Variants in NRXN1 observed in about 807,000 individuals in gnomAD.
The protein encoded by NRXN1 is neurexin 1.
NRXN1 carries 39 observed loss-of-function variants against 150.9 expected under a neutral mutation model. The ratio of observed to expected loss-of-function variants is 0.26; its 90% CI spans 0.20 to 0.34. The LOEUF (loss-of-function observed/expected upper bound fraction) is 0.34. NRXN1 is among the 10% of genes least tolerant of loss of function. The probability of loss-of-function intolerance (pLI) is 1.00; values close to 1 mark genes in which losing one functional copy is unlikely to be tolerated. For synonymous variants in NRXN1, 924 were observed against 757.0 expected, an observed-to-expected ratio of 1.22 and a Z score of -3.62; for missense variants, 1,815 against 1,949.9, an observed-to-expected ratio of 0.93 and a Z score of 1.30.
intron 5 of NRXN1, among the ~76,000 whole-genome samples, chr2:50,900,205 C>T (rs1168898565): frequency 1.3e-5 from 2 of 152,148 alleles, no homozygotes; most frequent in Non-Finnish European, 1.5e-5. Flanking sequence ...AGGGATCAGC[C>T]TAAAGGCCTA....
At chr2:50,506,862 T>C in intron 12 of NRXN1, 1 of 468,466 alleles carries the variant, frequency 2.1e-6, no homozygotes, top group East Asian at 3.3e-5. Flanking sequence ...CATTCAGGTG[T>C]GACCATTTAA....
At chr2:50,573,666 A>G (rs1012123255) in intron 8 of NRXN1, among the ~76,000 whole-genome samples, 1 of 151,890 alleles carries the variant, frequency 6.6e-6, no homozygotes, top group African/African-American at 2.4e-5. Flanking sequence ...AAACCTGAGT[A>G]GTTTCAAAAT....
chr2:50,854,557 G>T (rs1674989665), intron 5 of NRXN1, among the ~76,000 whole-genome samples: 1 of 152,050 alleles, frequency 6.6e-6, no homozygotes, highest in Non-Finnish European at 1.5e-5. Context: ...TGAAAGAACA[G>T]ACTGGTTATT....
intron 15 of NRXN1, among the ~76,000 whole-genome samples, chr2:50,479,281 T>C (rs761396592): frequency 7.9e-5 from 12 of 152,180 alleles, no homozygotes; most frequent in Non-Finnish European, 1.6e-4. Flanking sequence ...TCCTTGCTTG[T>C]GGTATACAAT....
intron 22 of NRXN1, among the ~76,000 whole-genome samples, chr2:49,922,904 A>G (rs1668471946): frequency 6.6e-6 from 1 of 152,206 alleles, no homozygotes; most frequent in Non-Finnish European, 1.5e-5. Context: ...GGAGCTCCCA[A>G]GATGAACTTT....
chr2:50,512,062 A>C (rs1361752818), intron 12 of NRXN1, among the ~76,000 whole-genome samples: 1 of 152,104 alleles, frequency 6.6e-6, no homozygotes, highest in African/African-American at 2.4e-5. Flanking sequence ...TAAAATGATA[A>C]TCCCATATAA....
At chr2:50,566,521 T>A (rs1669889940) in intron 8 of NRXN1, among the ~76,000 whole-genome samples, 1 of 151,450 alleles carries the variant, frequency 6.6e-6, no homozygotes, top group Non-Finnish European at 1.5e-5. Context: ...TCCCAAAGTG[T>A]TGGGATTACA....
At chr2:50,455,940 G>A (rs1269700038) in intron 17 of NRXN1, among the ~76,000 whole-genome samples, 2 of 152,134 alleles carry the variant, frequency 1.3e-5, no homozygotes, top group Non-Finnish European at 2.9e-5. Flanking sequence ...CTGAACTGCT[G>A]GAATCCAGAT....
intron 17 of NRXN1, among the ~76,000 whole-genome samples, chr2:50,370,314 T>C (rs577794187): frequency 3.0e-4 from 46 of 152,126 alleles, no homozygotes; most frequent in Non-Finnish European, 6.0e-4. Flanking sequence ...TGGTTTAATA[T>C]TGTACATCAC....
At chr2:50,733,556 C>A (rs1258142553) in intron 5 of NRXN1, among the ~76,000 whole-genome samples, 2 of 152,074 alleles carry the variant, frequency 1.3e-5, no homozygotes, top group African/African-American at 4.8e-5. Context: ...TCTTTAGATA[C>A]ATAATACACT....
chr2:50,046,288 T>C (rs769303154), intron 21 of NRXN1, among the ~76,000 whole-genome samples: 5 of 152,206 alleles, frequency 3.3e-5, no homozygotes, highest in Non-Finnish European at 7.3e-5. Flanking sequence ...TGCCCTCCAC[T>C]GCCGCTTGCT....
intron 5 of NRXN1, among the ~76,000 whole-genome samples, chr2:50,826,305 G>C (rs1015596453): frequency 2.0e-5 from 3 of 152,106 alleles, no homozygotes; most frequent in African/African-American, 7.2e-5. Flanking sequence ...GTAAAAACAA[G>C]TATGAAAGCC....
In NRXN1 at chr2:50,019,972, A is replaced by AAG. The variant is rs1208030506; in HGVS notation, c.4128+33297_4128+33298dup. ...CAAAAAAAAAAAAAAAAAAAAAAAAAAGAGAGAGAGAGAGACCTAGGGAGC... is the reference window on the plus strand; with the variant it reads ...CAAAAAAAAAAAAAAAAAAAAAAAAAAGAGAGAGAGAGAGAGACCTAGGGAGC... On this transcript the variant is annotated intron_variant, in intron 21 of 22. Transcript: ENST00000401669. Among the ~76,000 whole-genome samples the AAG allele has an allele frequency of 8.1e-5, 9 of 111,700 alleles. 1 individual carries two copies. The highest frequency in any genetic ancestry group is 2.6e-4 in the African/African-American group (7 of 27,288). 73.3% of individuals were successfully genotyped at this position (111,700 alleles called of 152,430 possible). A position where few individuals can be genotyped will look rare whatever the true frequency, so the allele number is the denominator to read the frequency against.
chr2:50,621,292 C>T (rs1299796919), intron 6 of NRXN1, 43 bp from the exon 7 acceptor site: 2 of 1,452,730 alleles, frequency 1.4e-6, no homozygotes, highest in African/African-American at 1.4e-5. Flanking sequence ...AAACTGTGAA[C>T]AGAATAACGA....
intron 15 of NRXN1, among the ~76,000 whole-genome samples, chr2:50,473,007 T>G (rs1475487993): frequency 6.6e-6 from 1 of 152,014 alleles, no homozygotes; most frequent in East Asian, 1.9e-4. Flanking sequence ...AAATTCACCT[T>G]CTGCTTAGAG....
intron 21 of NRXN1, among the ~76,000 whole-genome samples, chr2:50,032,962 G>A (rs553065044): frequency 3.4e-5 from 5 of 148,794 alleles, no homozygotes; most frequent in Non-Finnish European, 7.4e-5. Flanking sequence ...ACACACACAC[G>A]CCCCCATATT....
chr2:49,994,841 A>T (rs6545140), intron 21 of NRXN1, among the ~76,000 whole-genome samples: 71,748 of 152,120 alleles, frequency 0.47, 17,592 homozygotes, highest in Middle Eastern at 0.63. Context: ...GTTAATAAAC[A>T]GGTTGGTAGT....
chr2:50,997,287 AG>A (rs1350306783), intron 2 of NRXN1, among the ~76,000 whole-genome samples: 1 of 152,068 alleles, frequency 6.6e-6, no homozygotes, highest in Non-Finnish European at 1.5e-5. Flanking sequence ...TAGAAAAATT[AG>A]CCAAGTGCAG....
intron 21 of NRXN1, among the ~76,000 whole-genome samples, chr2:49,959,281 G>A (rs1216988291): frequency 6.6e-6 from 1 of 152,124 alleles, no homozygotes; most frequent in Non-Finnish European, 1.5e-5. Context: ...TAATAAGAAA[G>A]GTGGCTGTCT....
Sources: allele counts gnomAD v4.1 joint callset (sites outside exome capture counted in the v4.1 genomes callset), GRCh38; gene constraint gnomAD v4.1.1; transcripts MANE v1.5; gene names NCBI Gene and HGNC (gene_info 2026-07-23, HGNC 2026-07-21).